The following MRPL12 variants were observed in gnomAD, a reference collection of about 807,000 sequenced individuals.
MRPL12 encodes the protein large ribosomal subunit protein bL12m.
In MRPL12, 13 loss-of-function variants were observed where a neutral mutation model predicts 21.1. That is an observed-to-expected ratio of 0.62 (90% confidence interval 0.40 to 0.98). The LOEUF is 0.98. Ranked by LOEUF, MRPL12 falls within the 50% of genes least tolerant of loss-of-function variation. MRPL12 has a pLI of 0.00. For missense variants in MRPL12, 251 were observed against 268.6 expected (o/e 0.93, Z 0.46); for synonymous variants, 126 against 115.3 (o/e 1.09, Z -0.60).
At chr17:81,705,733 A>G (rs1425827720) in intron 3 of MRPL12, among the ~76,000 whole-genome samples, 2 of 152,226 alleles carry the variant, frequency 1.3e-5, no homozygotes, top group Non-Finnish European at 2.9e-5. Context: ...GCGTTTGGTC[A>G]TCGGGTTGCG....
chr17:81,704,824 C>G, intron 3 of MRPL12, 108 bp downstream of exon 3: 1 of 953,392 alleles, frequency 1.0e-6, no homozygotes, highest in Non-Finnish European at 1.6e-6. Context: ...TTGTCTGCAG[C>G]CTGCACACCT....
Position 81,704,406 on chromosome 17 carries a change from C to T in MRPL12, c.237C>T (p.Ile79=), listed in dbSNP as rs769481340. The T allele has an allele frequency of 1.9e-6, 3 of 1,612,908 alleles. No homozygotes were observed. The highest frequency in any genetic ancestry group is 2.5e-6 in the Non-Finnish European group (3 of 1,179,554). The change falls in exon 2 of 5, where the codon ATC becomes ATT. Residue 79 remains isoleucine, a synonymous_variant. Transcript: ENST00000333676. ...TCGCCAGCCTCACTCTCTTGGAAAT[C>T]TCAGACCTCAACGAGCTCCTGAAGG... ...QDIASLTLLE[I]SDLNELLKKT...
In MRPL12 at chr17:81,704,262, C is replaced by G. The variant is rs753724865; in HGVS notation, c.93C>G (p.Val31=). The change falls in exon 2 of 5, where the codon GTC becomes GTG. Residue 31 remains valine, a synonymous_variant. Transcript: ENST00000333676. ...FRLARRQVPC[V]CAVRHMRSSG... is the part of the protein sequence containing the mutation. ...GGGCTAGGCGACAGGTGCCATGTGT[C>G]TGTGCCGTGCGACATATGAGGAGCA... The G allele has an allele frequency of 1.2e-6, 2 of 1,610,604 alleles. No individual in the cohort carries two copies. Among genetic ancestry groups the G allele is most frequent in the East Asian group, 4.5e-5 (2 of 44,870 alleles).
chr17:81,707,016 C>T lies in MRPL12; in HGVS notation c.456C>T (p.Tyr152=), dbSNP rs370674057. ...AGCTGATCAAGGAAATCAAGAACTA[C>T]ATCCAAGGCATCAACCTCGTCCAGG... The part of the protein sequence containing the change: ...KVKLIKEIKN[Y]IQGINLVQAK... The change falls in exon 4 of 5, where the codon TAC becomes TAT. Residue 152 remains tyrosine (Y), a synonymous_variant. Coordinates refer to ENST00000333676, the MANE Select transcript of MRPL12 (RefSeq NM_002949.4). 75 of 1,614,030 alleles carry T rather than the reference C, an allele frequency of 4.6e-5. No individual in the cohort carries two copies. Among genetic ancestry groups the T allele is most frequent in the Non-Finnish European group, 5.8e-5 (69 of 1,180,058 alleles).
intron 3 of MRPL12, 99 bp from the exon 4 acceptor site, chr17:81,706,807 C>T (rs1016388280): frequency 6.2e-6 from 9 of 1,459,138 alleles, no homozygotes; most frequent in Admixed American, 4.4e-5. Context: ...CTCCGCTGCA[C>T]CTCCCTTTGG....
At chr17:81,705,188 C>G (rs1204624257) in intron 3 of MRPL12, among the ~76,000 whole-genome samples, 1 of 149,742 alleles carries the variant, frequency 6.7e-6, no homozygotes, top group African/African-American at 2.5e-5. Flanking sequence ...CTCAAACAAA[C>G]AAACAAAATA....
Position 81,703,500 on chromosome 17 carries a change from C to G in MRPL12, c.-2C>G, listed in dbSNP as rs773873778. On this transcript the variant is annotated 5_prime_UTR_variant, in exon 1 of 5. Coordinates refer to ENST00000333676, the MANE Select transcript of MRPL12 (RefSeq NM_002949.4). Reference sequence around the variant, plus strand: ...GCGTGTGACCTTCCAGCCCGCGGACCGATGCTGCCGGCGGCCGCTCGCCCC... The same window carrying G: ...GCGTGTGACCTTCCAGCCCGCGGACGGATGCTGCCGGCGGCCGCTCGCCCC... The G allele has an allele frequency of 1.3e-6, 2 of 1,485,584 alleles. No homozygotes were observed. Among genetic ancestry groups the G allele is most frequent in the African/African-American group, 2.9e-5 (2 of 68,328 alleles). 92.0% of individuals were successfully genotyped at this position (1,485,584 alleles called of 1,614,324 possible). A position where few individuals can be genotyped will look rare whatever the true frequency, so the allele number is the denominator to read the frequency against.
In MRPL12 at chr17:81,703,496, G is replaced by T; in HGVS notation, c.-6G>T. 6.7e-7 allele frequency: 1 copy of T among 1,486,816 alleles called. No individual in the cohort carries two copies. Among genetic ancestry groups the T allele is most frequent in the Non-Finnish European group, 8.9e-7 (1 of 1,124,708 alleles). 92.1% of individuals were successfully genotyped at this position (1,486,816 alleles called of 1,614,324 possible). ...AACCGCGTGTGACCTTCCAGCCCGC[G>T]GACCGATGCTGCCGGCGGCCGCTCG... On this transcript the variant is annotated 5_prime_UTR_variant, in exon 1 of 5. Transcript: ENST00000333676.
In MRPL12 at chr17:81,707,286, G is replaced by A. The variant is rs201232710; in HGVS notation, c.*46G>A. On this transcript the variant is annotated 3_prime_UTR_variant, in exon 5 of 5. Transcript: ENST00000333676. ...TGTTCAGGGGTCCTGGGCCCCGGGCGAGGTCCCGCCCTCCCGTGGTCACTG... is the reference window on the plus strand; with the variant it reads ...TGTTCAGGGGTCCTGGGCCCCGGGCAAGGTCCCGCCCTCCCGTGGTCACTG... The A allele has an allele frequency of 1.2e-4, 175 of 1,508,072 alleles. No individual in the cohort carries two copies. Among genetic ancestry groups the A allele is most frequent in the South Asian group, 2.6e-5 (2 of 76,568 alleles). 93.4% of individuals were successfully genotyped at this position (1,508,072 alleles called of 1,614,324 possible). A position where few individuals can be genotyped will look rare whatever the true frequency, so the allele number is the denominator to read the frequency against.
rs766495570 is a variant in MRPL12, at chr17:81,704,716, G to A, written c.345G>A (p.Glu115=). Residue 115 remains glutamate (E), a splice_region_variant and synonymous_variant, in exon 3 of 5, where the codon GAG becomes GAA. Coordinates refer to ENST00000333676, the MANE Select transcript of MRPL12 (RefSeq NM_002949.4). The part of the protein sequence containing the change: ...SGAVPAAAAQ[E]AVEEDIPIAK... ...CTGTCCCTGCTGCAGCAGCCCAGGA[G>A]GTGAGTCCTGGGCAGAATGAGGCAT... 1 of 1,611,768 alleles carries A rather than the reference G, an allele frequency of 6.2e-7. No individual in the cohort carries two copies. The highest frequency in any genetic ancestry group is 8.5e-7 in the Non-Finnish European group (1 of 1,178,640).
intron 2 of MRPL12, 66 bp downstream of exon 2, chr17:81,704,496 G>C: frequency 6.3e-7 from 1 of 1,586,226 alleles, no homozygotes; most frequent in Non-Finnish European, 8.6e-7. Context: ...TTTGTTCCTG[G>C]TGTATTTTGG....
chr17:81,706,791 T>C (rs2037318098), intron 3 of MRPL12, 115 bp from the exon 4 acceptor site: 11 of 1,294,418 alleles, frequency 8.5e-6, no homozygotes, highest in Non-Finnish European at 1.2e-5. Flanking sequence ...CAGGCTTCGC[T>C]GGGGCCTCCG....
In MRPL12 at chr17:81,703,573, C is replaced by G; in HGVS notation, c.72C>G (p.Ala24=). The change falls in exon 1 of 5, where the codon GCC becomes GCG. Residue 24 remains alanine, a splice_region_variant and synonymous_variant. Coordinates refer to ENST00000333676, the MANE Select transcript of MRPL12 (RefSeq NM_002949.4). The part of the protein sequence containing the change: ...LGLRAAAFRL[A]RRQVPCVCAV... Reference sequence around the variant, plus strand: ...TTCGGGCCGCTGCGTTCCGCCTTGCCAGGTACGCGGGATCCTGGGGCGGTC... The same window carrying G: ...TTCGGGCCGCTGCGTTCCGCCTTGCGAGGTACGCGGGATCCTGGGGCGGTC... 1 of 1,442,892 alleles carries G rather than the reference C, an allele frequency of 6.9e-7. No homozygotes were observed. The highest frequency in any genetic ancestry group is 9.1e-7 in the Non-Finnish European group (1 of 1,102,706). 89.4% of individuals were successfully genotyped at this position (1,442,892 alleles called of 1,614,324 possible). A position where few individuals can be genotyped will look rare whatever the true frequency, so the allele number is the denominator to read the frequency against.
chr17:81,704,793 C>A, intron 3 of MRPL12, 77 bp downstream of exon 3: 3 of 1,234,768 alleles, frequency 2.4e-6, no homozygotes, highest in South Asian at 1.4e-5. Context: ...TCCCGTATCT[C>A]AGGTTCTGCA....
At chr17:81,703,656 A>T (rs961189390) in intron 1 of MRPL12, 81 bp downstream of exon 1, 18 of 1,232,528 alleles carry the variant, frequency 1.5e-5, no homozygotes, top group Non-Finnish European at 1.7e-5. Flanking sequence ...CCGGGCGAGG[A>T]GGGCGGCGGG....
Position 81,703,394 on chromosome 17 carries a change from C to A in MRPL12, c.-108C>A. 1.1e-6 allele frequency: 1 copy of A among 917,228 alleles called. No homozygotes were observed. Among genetic ancestry groups the A allele is most frequent in the Non-Finnish European group, 1.5e-6 (1 of 646,672 alleles). 56.8% of individuals were successfully genotyped at this position (917,228 alleles called of 1,614,324 possible). A position where few individuals can be genotyped will look rare whatever the true frequency, so the allele number is the denominator to read the frequency against. On this transcript the variant is annotated 5_prime_UTR_variant, in exon 1 of 5. Transcript: ENST00000333676. ...CATTTCCGGCTCGAATGCCCGGCAG[C>A]CGTGGCGGCTAGAGCGTTCCTCCCC...
At position 81,707,018 on chromosome 17, in the gene MRPL12, T is replaced by C; in HGVS notation, c.458T>C (p.Ile153Thr). 2 of 1,614,078 alleles carry C rather than the reference T, an allele frequency of 1.2e-6. No homozygotes were observed. The highest frequency in any genetic ancestry group is 1.7e-6 in the Non-Finnish European group (2 of 1,180,030). Reference sequence around the variant, plus strand: ...CTGATCAAGGAAATCAAGAACTACATCCAAGGCATCAACCTCGTCCAGGTC... The same window carrying C: ...CTGATCAAGGAAATCAAGAACTACACCCAAGGCATCAACCTCGTCCAGGTC... ...VKLIKEIKNY[I>T]QGINLVQAKK... Residue 153 changes from isoleucine (I) to threonine (T), a missense_variant, in exon 4 of 5, where the codon ATC becomes ACC. Transcript: ENST00000333676.
Position 81,703,472 on chromosome 17 carries a change from A to G in MRPL12, c.-30A>G. 1 of 1,480,242 alleles carries G rather than the reference A, an allele frequency of 6.8e-7. No homozygotes were observed. Among genetic ancestry groups the G allele is most frequent in the Non-Finnish European group, 8.9e-7 (1 of 1,118,946 alleles). 91.7% of individuals were successfully genotyped at this position (1,480,242 alleles called of 1,614,324 possible). On this transcript the variant is annotated 5_prime_UTR_variant, in exon 1 of 5. Transcript: ENST00000333676. Reference sequence around the variant, plus strand: ...CTAGAGCGTCGCCTCCTCCCGGGGAACCGCGTGTGACCTTCCAGCCCGCGG... The same window carrying G: ...CTAGAGCGTCGCCTCCTCCCGGGGAGCCGCGTGTGACCTTCCAGCCCGCGG...
chr17:81,704,571 C>G, intron 2 of MRPL12, 62 bp from the exon 3 acceptor site: 1 of 1,595,628 alleles, frequency 6.3e-7, no homozygotes, highest in South Asian at 1.1e-5. Context: ...CTAGTTGCCC[C>G]TCCTCAGTAG....
Sources: gnomAD v4.1 joint callset for allele counts (sites outside exome capture counted in the v4.1 genomes callset) on GRCh38, gnomAD v4.1.1 for gene constraint, MANE v1.5 for transcripts, NCBI Gene and HGNC (gene_info 2026-07-23, HGNC 2026-07-21) for gene names.